DLGAP2: variants seen among roughly 807,000 people sequenced by gnomAD.
DLGAP2 encodes the protein disks large-associated protein 2.
In DLGAP2, 26 loss-of-function variants were observed where a neutral mutation model predicts 100.3. That is an observed-to-expected ratio of 0.26 (90% confidence interval 0.19 to 0.36). DLGAP2 has a LOEUF of 0.36. Ranked by LOEUF, DLGAP2 falls within the 10% of genes least tolerant of loss-of-function variation. The pLI is 1.00. For synonymous variants in DLGAP2, 886 were observed against 630.1 expected, an observed-to-expected ratio of 1.41 and a Z score of -6.08; for missense variants, 1,858 against 1,453.2, an observed-to-expected ratio of 1.28 and a Z score of -4.53.
intron 2 of DLGAP2, among the ~76,000 whole-genome samples, chr8:1,081,500 C>T (rs1187833302): frequency 1.3e-5 from 2 of 152,104 alleles, no homozygotes; most frequent in African/African-American, 2.4e-5. Context: ...TACAGGCCCC[C>T]GTCACCACGC....
intron 1 of DLGAP2, among the ~76,000 whole-genome samples, chr8:819,567 A>T (rs1338535635): frequency 1.3e-5 from 2 of 152,216 alleles, no homozygotes; most frequent in East Asian, 1.9e-4. Context: ...AATGATAAAG[A>T]CTATACAAAA....
chr8:1,699,262 G>A (rs903313340), intron 14 of DLGAP2, among the ~76,000 whole-genome samples: 1 of 152,142 alleles, frequency 6.6e-6, no homozygotes, highest in African/African-American at 2.4e-5. Context: ...ACGAGGTCAG[G>A]ATATCAAGAC....
At chr8:1,562,307 G>T (rs1802200089) in intron 5 of DLGAP2, among the ~76,000 whole-genome samples, 1 of 31,954 alleles carries the variant, frequency 3.1e-5, no homozygotes, top group Non-Finnish European at 6.1e-5. Flanking sequence ...GGACTGTGTG[G>T]TGTTGGGGTG....
At chr8:769,428 A>T (rs1777198857) in intron 1 of DLGAP2, among the ~76,000 whole-genome samples, 1 of 152,068 alleles carries the variant, frequency 6.6e-6, no homozygotes, top group Non-Finnish European at 1.5e-5. Context: ...CATAGCCATT[A>T]ACCCCGAATA....
At chr8:1,207,341 A>T (rs1209488912) in intron 2 of DLGAP2, among the ~76,000 whole-genome samples, 1 of 152,158 alleles carries the variant, frequency 6.6e-6, no homozygotes, top group African/African-American at 2.4e-5. Context: ...TTGGTTTTCC[A>T]TTCTTGTGTT....
At chr8:1,681,397 C>A (rs889244385) in intron 12 of DLGAP2, among the ~76,000 whole-genome samples, 3 of 152,160 alleles carry the variant, frequency 2.0e-5, no homozygotes, top group African/African-American at 4.8e-5. Context: ...CTTTGTGAGG[C>A]TGAGGCGGGA....
At chr8:1,274,300 C>A (rs1166298010) in intron 3 of DLGAP2, among the ~76,000 whole-genome samples, 1 of 152,116 alleles carries the variant, frequency 6.6e-6, no homozygotes, top group Non-Finnish European at 1.5e-5. Context: ...ATGACACAAC[C>A]ACACTTGTGC....
At position 1,383,148 on chromosome 8, in the gene DLGAP2, G is replaced by A. The variant is rs552487964; in HGVS notation, c.107-118218G>A. ...AGGGATCATCCCCTTTATCTATTTT[G>A]GCAAATTTATAATTAAGTTTGTCAG... is the stretch of plus-strand genomic sequence containing the variant. On this transcript the variant is annotated intron_variant, in intron 3 of 14. Transcript: ENST00000637795. Among the ~76,000 whole-genome samples, 185 of 152,124 alleles carry A rather than the reference G, an allele frequency of 1.2e-3. 1 individual carries two copies. Among genetic ancestry groups the A allele is most frequent in the Non-Finnish European group, 2.4e-3 (160 of 68,002 alleles).
intron 2 of DLGAP2, among the ~76,000 whole-genome samples, chr8:1,075,704 C>A (rs1803583906): frequency 6.6e-6 from 1 of 152,040 alleles, no homozygotes. Flanking sequence ...TCAGTGAGAG[C>A]AAGGTTGCAT....
intron 1 of DLGAP2, among the ~76,000 whole-genome samples, chr8:823,697 C>T (rs1399223109): frequency 1.3e-5 from 2 of 151,972 alleles, no homozygotes; most frequent in East Asian, 1.9e-4. Flanking sequence ...AGATGTTGAT[C>T]GAAATGTTTT....
At chr8:1,657,032 T>A (rs1798300757) in intron 8 of DLGAP2, among the ~76,000 whole-genome samples, 1 of 152,208 alleles carries the variant, frequency 6.6e-6, no homozygotes. Context: ...GTTGTTTACA[T>A]GGTAAAAGAA....
chr8:837,517 T>C (rs1796901526), intron 1 of DLGAP2, among the ~76,000 whole-genome samples: 1 of 152,078 alleles, frequency 6.6e-6, no homozygotes, highest in Non-Finnish European at 1.5e-5. Context: ...TCACCATCCC[T>C]AGTTTAGTAA....
At chr8:1,608,938 C>A (rs1375351714) in intron 6 of DLGAP2, among the ~76,000 whole-genome samples, 6 of 152,074 alleles carry the variant, frequency 3.9e-5, no homozygotes, top group Admixed American at 1.3e-4. Context: ...AGTGATGGGG[C>A]GAATGGAACC....
chr8:1,386,983 A>G (rs987947126), intron 3 of DLGAP2, among the ~76,000 whole-genome samples: 1 of 152,238 alleles, frequency 6.6e-6, no homozygotes, highest in Admixed American at 6.5e-5. Context: ...TTCACATTGA[A>G]TAATGTTTAC....
chr8:1,030,185 GC>G (rs2129027709), intron 2 of DLGAP2, among the ~76,000 whole-genome samples: 1 of 152,348 alleles, frequency 6.6e-6, no homozygotes, highest in African/African-American at 2.4e-5. Context: ...TCCAGCTCTT[GC>G]TAACAGACCC....
intron 6 of DLGAP2, among the ~76,000 whole-genome samples, chr8:1,613,318 C>T (rs1386354409): frequency 6.7e-6 from 1 of 150,086 alleles, no homozygotes; most frequent in Middle Eastern, 3.4e-3. Flanking sequence ...CGCATATTCT[C>T]ACTCATAGGT....
intron 3 of DLGAP2, among the ~76,000 whole-genome samples, chr8:1,430,017 TATATATATATAC>T (rs1563142103): frequency 7.6e-5 from 7 of 92,532 alleles, no homozygotes; most frequent in East Asian, 6.6e-4. Context: ...CATATATATA[TATATATATATAC>T]ACACACACAC....
In DLGAP2 at chr8:1,684,943, C is replaced by T. The variant is rs967634875; in HGVS notation, c.2704+6314C>T. Among the ~76,000 whole-genome samples, 8 of 152,086 alleles carry T rather than the reference C, an allele frequency of 5.3e-5. No homozygotes were observed. The East Asian group carries it at 7.7e-4, about 15-fold the overall frequency. On this transcript the variant is annotated intron_variant, in intron 12 of 14. Transcript: ENST00000637795. ...CTTCCTTGCCCCAAATGACTCCTCC[C>T]GAAGTAACGAATAACCTACATGTTC... is the stretch of plus-strand genomic sequence containing the variant.
chr8:834,210 G>A (rs924993674), intron 1 of DLGAP2, among the ~76,000 whole-genome samples: 2 of 152,234 alleles, frequency 1.3e-5, no homozygotes, highest in South Asian at 4.1e-4. Flanking sequence ...ATGGGCTGAC[G>A]AGTCCCAGTA....
Sources: allele counts gnomAD v4.1 joint callset (sites outside exome capture counted in the v4.1 genomes callset), GRCh38; gene constraint gnomAD v4.1.1; transcripts MANE v1.5; gene names NCBI Gene and HGNC (gene_info 2026-07-23, HGNC 2026-07-21).